Variants in ARHGAP29 observed in about 807,000 individuals in gnomAD.
ARHGAP29 encodes the protein Rho GTPase activating protein 29.
In ARHGAP29, 43 loss-of-function variants were observed where a neutral mutation model predicts 122.6. The observed-to-expected ratio is 0.35, with a 90% CI of 0.27 to 0.45. The LOEUF is 0.45. ARHGAP29 is among the 20% of genes least tolerant of loss of function. The pLI is 1.00. For synonymous variants in ARHGAP29, 506 were observed against 497.1 expected, an observed-to-expected ratio of 1.02 and a Z score of -0.24; for missense variants, 1,303 against 1,477.2, an observed-to-expected ratio of 0.88 and a Z score of 1.93.
At chr1:94,308,046 T>G in the ARHGAP29 span, among the ~76,000 whole-genome samples, 1 of 152,220 alleles carries the variant, frequency 6.6e-6, no homozygotes, top group African/African-American at 2.4e-5. Flanking sequence ...TTATCTTTAA[T>G]GGATTGCACG....
chr1:94,285,169 A>T, the ARHGAP29 span, among the ~76,000 whole-genome samples: 1 of 152,216 alleles, frequency 6.6e-6, no homozygotes, highest in Admixed American at 6.5e-5. Context: ...AGAGTCGCAC[A>T]TTCACAACCA....
the ARHGAP29 span, among the ~76,000 whole-genome samples, chr1:94,295,801 G>GAATCTTCTAATTCCACACAATGT: frequency 0.015 from 141 of 9,510 alleles, no homozygotes; most frequent in East Asian, 0.053. Flanking sequence ...TTCCACATTG[G>GAATCTTCTAATTCCACACAATGT]GGTATTTGAG....
chr1:94,299,699 C>T, the ARHGAP29 span, among the ~76,000 whole-genome samples: 8 of 151,754 alleles, frequency 5.3e-5, no homozygotes, highest in African/African-American at 1.9e-4. Flanking sequence ...GCCTGGAGCT[C>T]TTAGAATAAA....
At chr1:94,232,828 A>G (rs1488333669) in intron 1 of ARHGAP29, among the ~76,000 whole-genome samples, 3 of 152,056 alleles carry the variant, frequency 2.0e-5, no homozygotes, top group Non-Finnish European at 4.4e-5. Context: ...CTCACACTTT[A>G]TTATTAACAC....
chr1:94,180,883 G>A (rs17111206), intron 19 of ARHGAP29, among the ~76,000 whole-genome samples: 12,918 of 152,094 alleles, frequency 0.085, 778 homozygotes, highest in African/African-American at 0.16. Flanking sequence ...CTCCTTGCCT[G>A]GCTAGAAGAA....
the ARHGAP29 span, among the ~76,000 whole-genome samples, chr1:94,312,873 G>A: frequency 3.9e-5 from 6 of 152,176 alleles, no homozygotes; most frequent in Admixed American, 3.9e-4. Context: ...CTGAATGGGA[G>A]AGTGCCTAGG....
At chr1:94,204,371 C>T (rs551428088) in intron 7 of ARHGAP29, among the ~76,000 whole-genome samples, 4 of 152,118 alleles carry the variant, frequency 2.6e-5, no homozygotes, top group Non-Finnish European at 5.9e-5. Context: ...ATATATTTGC[C>T]TCCATTTCAC....
chr1:94,312,081 G>A, the ARHGAP29 span, among the ~76,000 whole-genome samples: 15 of 152,282 alleles, frequency 9.9e-5, no homozygotes, highest in East Asian at 2.9e-3. Flanking sequence ...TCTTCCAGTT[G>A]CTGCTTCATT....
At chr1:94,290,324 A>C in the ARHGAP29 span, among the ~76,000 whole-genome samples, 218 of 151,776 alleles carry the variant, frequency 1.4e-3, no homozygotes, top group African/African-American at 3.6e-3. Context: ...TTTCTTCTTT[A>C]TTAGTCTTGC....
chr1:94,217,798 A>C (rs1652038735), intron 3 of ARHGAP29, among the ~76,000 whole-genome samples: 1 of 152,100 alleles, frequency 6.6e-6, no homozygotes, highest in African/African-American at 2.4e-5. Context: ...ACAGTGAGCT[A>C]TGAACATGCT....
At chr1:94,233,971 T>C (rs1653096806) in intron 1 of ARHGAP29, among the ~76,000 whole-genome samples, 1 of 152,200 alleles carries the variant, frequency 6.6e-6, no homozygotes, top group Non-Finnish European at 1.5e-5. Flanking sequence ...GCCTGGAATA[T>C]TCCTTCTCCT....
At chr1:94,178,757 G>T (rs1357424564) in intron 20 of ARHGAP29, among the ~76,000 whole-genome samples, 1 of 152,184 alleles carries the variant, frequency 6.6e-6, no homozygotes, top group African/African-American at 2.4e-5. Context: ...GGTACTGAAG[G>T]AAGATGGTCA....
rs1648735180 is a variant in ARHGAP29, at chr1:94,171,500, T to C, written c.*2369A>G. On this transcript the variant is annotated 3_prime_UTR_variant, in exon 23 of 23. Transcript: ENST00000260526. Reference sequence around the variant, plus strand: ...GCAGCACTAACAGGGCTCCTGCTGTTGCCCTTTCCTTTTGGTCACGTATCT... The same window carrying C: ...GCAGCACTAACAGGGCTCCTGCTGTCGCCCTTTCCTTTTGGTCACGTATCT... Among the ~76,000 whole-genome samples, 2 of 152,226 alleles carry C rather than the reference T, an allele frequency of 1.3e-5. No homozygotes were observed. Among genetic ancestry groups the C allele is most frequent in the South Asian group, 4.1e-4 (2 of 4,836 alleles).
At chr1:94,235,096 T>C (rs1653170587) in intron 1 of ARHGAP29, among the ~76,000 whole-genome samples, 1 of 152,122 alleles carries the variant, frequency 6.6e-6, no homozygotes, top group African/African-American at 2.4e-5. Flanking sequence ...TCTTTTCCTC[T>C]TATAAAAAAG....
At chr1:94,285,797 C>T in the ARHGAP29 span, among the ~76,000 whole-genome samples, 22 of 150,074 alleles carry the variant, frequency 1.5e-4, 1 homozygote, top group East Asian at 1.6e-3. Flanking sequence ...ATCACTTGAA[C>T]CCGGGAGGCG....
intron 3 of ARHGAP29, among the ~76,000 whole-genome samples, chr1:94,219,022 A>G (rs1484875406): frequency 6.6e-6 from 1 of 152,030 alleles, no homozygotes; most frequent in Non-Finnish European, 1.5e-5. Flanking sequence ...AGGACCGGCA[A>G]TCCCTTTCCC....
At position 94,220,374 on chromosome 1, in the gene ARHGAP29, A is replaced by G. The variant is rs1393860320; in HGVS notation, c.224T>C (p.Ile75Thr). The G allele has an allele frequency of 1.9e-6, 3 of 1,602,660 alleles. No individual in the cohort carries two copies. Among genetic ancestry groups the G allele is most frequent in the Admixed American group, 1.7e-5 (1 of 58,418 alleles). Reference sequence around the variant, plus strand: ...GAGCAGTTCCTCTAGACGTATATGAATAACTTCTTTAAAACAGTCTTTAAA... The same window carrying G: ...GAGCAGTTCCTCTAGACGTATATGAGTAACTTCTTTAAAACAGTCTTTAAA... Reference protein sequence around the residue: ...AIFSDCFKEVIHIRLEELLRV... With the variant: ...AIFSDCFKEVTHIRLEELLRV... The change falls in exon 3 of 23, where the codon ATT becomes ACT. Residue 75 changes from isoleucine (I) to threonine (T), a missense_variant. Transcript: ENST00000260526.
chr1:94,184,606 T>C (rs1649678458), intron 18 of ARHGAP29, among the ~76,000 whole-genome samples: 2 of 151,908 alleles, frequency 1.3e-5, no homozygotes, highest in Non-Finnish European at 2.9e-5. Flanking sequence ...TTTTTTTAAT[T>C]AGCCAGGCGT....
chr1:94,257,941 C>T (rs755030419), intron 1 of ARHGAP29, among the ~76,000 whole-genome samples: 1 of 152,166 alleles, frequency 6.6e-6, no homozygotes, highest in Non-Finnish European at 1.5e-5. Context: ...ATAACTCACT[C>T]CATACCTTTT....
Sources: allele counts gnomAD v4.1 joint callset (sites outside exome capture counted in the v4.1 genomes callset), GRCh38; gene constraint gnomAD v4.1.1; transcripts MANE v1.5; gene names NCBI Gene and HGNC (gene_info 2026-07-23, HGNC 2026-07-21).